Variants in POTEC observed in about 807,000 individuals in gnomAD.
POTEC encodes ANKRD26-like family B member 2.
In POTEC, 35 loss-of-function variants were observed where a neutral mutation model predicts 62.0. The ratio of observed to expected loss-of-function variants is 0.56; its 90% CI spans 0.43 to 0.75. POTEC has a LOEUF of 0.75. POTEC is among the 30% of genes least tolerant of loss of function. POTEC has a pLI of 0.00. For missense variants in POTEC, 472 were observed against 655.9 expected (o/e 0.72, Z 3.06); for synonymous variants, 156 against 221.5 (o/e 0.70, Z 2.62).
In POTEC at chr18:14,508,796, G is replaced by C. The variant is rs1292099728; in HGVS notation, c.*3102C>G. The C allele has an allele frequency of 2.1e-4, 32 of 152,572 alleles. No homozygotes were observed. Among genetic ancestry groups the C allele is most frequent in the Admixed American group, 2.1e-3 (32 of 15,286 alleles). 9.5% of individuals were successfully genotyped at this position (152,572 alleles called of 1,614,324 possible). ...GATGCAGTCATTTGGAGAAAAGAAG[G>C]TATGCTGAATTTTTGAGTTTTCAGT... On this transcript the variant is annotated 3_prime_UTR_variant, in exon 11 of 11. Coordinates refer to ENST00000358970, the MANE Select transcript of POTEC (RefSeq NM_001137671.2).
In POTEC at chr18:14,513,850, T is replaced by C. The variant is rs1487947401; in HGVS notation, c.1410-65A>G. 3.8e-6 allele frequency: 6 copies of C among 1,597,456 alleles called. No homozygotes were observed. In the East Asian group the frequency reaches 1.3e-4, roughly 36 times the overall value. On this transcript the variant is annotated intron_variant, in intron 9 of 10. Transcript: ENST00000358970. ...CCCTAAAATGATCTACAGGGCAAGA[T>C]GGCACCATCAGATGTCATTCACACA...
At chr18:14,541,540 C>G (rs1012330396) in intron 1 of POTEC, among the ~76,000 whole-genome samples, 1 of 152,078 alleles carries the variant, frequency 6.6e-6, no homozygotes, top group Non-Finnish European at 1.5e-5. Flanking sequence ...ACTTGGTAGG[C>G]TGAGGCAGAG....
Position 14,537,874 on chromosome 18 carries a change from G to C in POTEC, c.737C>G (p.Ala246Gly), listed in dbSNP as rs1905797528. ...CATTAATTTATCTTCATTGTGGACA[G>C]CATAGTGTAGAGTGGTATTTCCATA... ...DEYGNTTLHY[A>G]VHNEDKLMAK... is the part of the protein sequence containing the mutation. The change falls in exon 3 of 11, where the codon GCT (alanine) becomes GGT (glycine). Residue 246 changes from alanine to glycine, a missense_variant. By Grantham distance (60) the Ala-to-Gly change is moderately conservative. This residue lies in a region of POTEC where 52 missense variants were observed against 54.2 expected (regional missense o/e 0.96). Transcript: ENST00000358970. The C allele has an allele frequency of 1.2e-6, 2 of 1,612,202 alleles. No homozygotes were observed. The highest frequency in any genetic ancestry group is 2.2e-5 in the South Asian group (2 of 90,994).
At chr18:14,517,187 A>G (rs1196557273) in intron 9 of POTEC, among the ~76,000 whole-genome samples, 2 of 151,934 alleles carry the variant, frequency 1.3e-5, no homozygotes, top group Admixed American at 6.6e-5. Flanking sequence ...AATATAAAAT[A>G]GTTTCATTTT....
chr18:14,535,265 A>C, intron 3 of POTEC, among the ~76,000 whole-genome samples: 1 of 144,742 alleles, frequency 6.9e-6, no homozygotes, highest in East Asian at 2.4e-4. Context: ...CTAAACGAGC[A>C]TTTGGCATGG....
At chr18:14,513,931 C>T (rs1432392015) in intron 9 of POTEC, 146 bp from the exon 10 acceptor site, 4 of 1,483,244 alleles carry the variant, frequency 2.7e-6, no homozygotes, top group Admixed American at 4.8e-5. Flanking sequence ...ATCTGTTAAC[C>T]CTGCTCTCCC....
chr18:14,529,819 G>A (rs1415789884), intron 6 of POTEC, among the ~76,000 whole-genome samples: 7 of 152,176 alleles, frequency 4.6e-5, no homozygotes, highest in Non-Finnish European at 7.4e-5. Flanking sequence ...GTAAGAGTGA[G>A]ACCTTGTTGG....
At position 14,541,223 on chromosome 18, in the gene POTEC, C is replaced by A. The variant is rs527371505; in HGVS notation, c.521+1403G>T. Among the ~76,000 whole-genome samples the A allele has an allele frequency of 5.7e-3, 874 of 152,214 alleles. 8 individuals carry two copies. The highest frequency in any genetic ancestry group is 0.016 in the African/African-American group (685 of 41,550). ...TCTTCTAACTTAAACAGAAAATAGT[C>A]TTTCATTCCTCTTCTAACTTAAATT... On this transcript the variant is annotated intron_variant, in intron 1 of 10. Transcript: ENST00000358970.
chr18:14,541,153 T>C (rs1321673014), intron 1 of POTEC, among the ~76,000 whole-genome samples: 1 of 152,172 alleles, frequency 6.6e-6, no homozygotes, highest in Non-Finnish European at 1.5e-5. Flanking sequence ...CCTCCCAAAG[T>C]GCTGGGATTA....
At chr18:14,523,271 G>A (rs1476929337) in intron 8 of POTEC, among the ~76,000 whole-genome samples, 192 bp downstream of exon 8, 1 of 150,052 alleles carries the variant, frequency 6.7e-6, no homozygotes. Context: ...AATAATGAAA[G>A]AATCTCTCTA....
chr18:14,525,526 T>C (rs886133116), intron 6 of POTEC, among the ~76,000 whole-genome samples: 7 of 151,816 alleles, frequency 4.6e-5, no homozygotes, highest in African/African-American at 1.2e-4. Flanking sequence ...TAGCTATTTT[T>C]ACAAATGCAT....
chr18:14,513,891 T>C (rs1220231027), intron 9 of POTEC, 106 bp from the exon 10 acceptor site: 8 of 1,573,648 alleles, frequency 5.1e-6, no homozygotes, highest in Non-Finnish European at 6.9e-6. Flanking sequence ...TATCTGCACA[T>C]TAATCCAAGA....
chr18:14,521,439 G>A (rs1248309955), intron 9 of POTEC, among the ~76,000 whole-genome samples: 1 of 152,104 alleles, frequency 6.6e-6, no homozygotes, highest in Admixed American at 6.6e-5. Flanking sequence ...TGAAAATTGA[G>A]CTATTTCCTA....
At position 14,514,817 on chromosome 18, in the gene POTEC, C is replaced by T. The variant is rs568160555; in HGVS notation, c.1410-1032G>A. 1.6e-4 allele frequency among the ~76,000 whole-genome samples: 24 copies of T among 152,166 alleles called. No individual in the cohort carries two copies. In the South Asian group the frequency reaches 3.9e-3, roughly 25 times the overall value. On this transcript the variant is annotated intron_variant, in intron 9 of 10. Coordinates refer to ENST00000358970, the MANE Select transcript of POTEC (RefSeq NM_001137671.2). ...GCCTAGAAAACTCTACAGACTCCTA[C>T]AAAACACTCCTAGATTTGATAAATG...
chr18:14,537,585 A>G (rs572703234), intron 3 of POTEC, among the ~76,000 whole-genome samples: 1 of 152,304 alleles, frequency 6.6e-6, no homozygotes, highest in Admixed American at 6.5e-5. Flanking sequence ...TTTTTAAAAA[A>G]GCATTAACCA....
intron 1 of POTEC, 73 bp downstream of exon 1, chr18:14,542,553 C>T (rs1905973234): frequency 2.5e-6 from 4 of 1,597,718 alleles, no homozygotes; most frequent in Admixed American, 3.4e-5. Flanking sequence ...CTGGCTCCTC[C>T]CTCCCTGCGC....
At chr18:14,531,853 C>T (rs1567913823) in intron 5 of POTEC, 1 of 151,958 alleles carries the variant, frequency 6.6e-6, no homozygotes, top group Non-Finnish European at 1.5e-5. Flanking sequence ...TGACTCATCA[C>T]TACTTACTTA....
At chr18:14,530,577 C>T (rs201899586) in intron 5 of POTEC, 24 bp from the exon 6 acceptor site, 1 of 1,487,934 alleles carries the variant, frequency 6.7e-7, no homozygotes, top group South Asian at 1.2e-5. Context: ...TGTAATAAAC[C>T]AAATTACTAT....
At position 14,523,483 on chromosome 18, in the gene POTEC, T is replaced by G. The variant is rs1222737702; in HGVS notation, c.1222A>C (p.Asn408His). ...PEKMSQEPEINKDCDREVEEE... is the reference protein window; with the variant it reads ...PEKMSQEPEIHKDCDREVEEE... ...TATACCTCTCTATCACAGTCCTTATTTATTTCTGGTTCTTGAGACATTTTC... is the reference window on the plus strand; with the variant it reads ...TATACCTCTCTATCACAGTCCTTATGTATTTCTGGTTCTTGAGACATTTTC... Residue 408 changes from asparagine to histidine, a missense_variant, in exon 8 of 11, where the codon AAT becomes CAT. This residue lies in a region of POTEC where 83 missense variants were observed against 254.3 expected (regional missense o/e 0.33). Transcript: ENST00000358970. 2 of 1,584,412 alleles carry G rather than the reference T, an allele frequency of 1.3e-6. No individual in the cohort carries two copies. The highest frequency in any genetic ancestry group is 1.7e-6 in the Non-Finnish European group (2 of 1,167,416).
Sources: allele counts gnomAD v4.1 joint callset (sites outside exome capture counted in the v4.1 genomes callset), GRCh38; gene constraint gnomAD v4.1.1; regional missense constraint gnomAD v4.1.1; transcripts MANE v1.5; gene names NCBI Gene and HGNC (gene_info 2026-07-23, HGNC 2026-07-21).